Variants in UVRAG observed in about 807,000 individuals in gnomAD.
UVRAG encodes the protein UV radiation resistance associated.
UVRAG carries 19 observed loss-of-function variants against 78.0 expected under a neutral mutation model. The observed-to-expected ratio is 0.24, with a 90% CI of 0.17 to 0.36. The LOEUF (loss-of-function observed/expected upper bound fraction) is 0.36. Among genes scored for constraint, UVRAG ranks in the 10% least tolerant of loss-of-function variants. UVRAG has a pLI of 1.00. For missense variants in UVRAG, 740 were observed against 853.8 expected, an observed-to-expected ratio of 0.87 and a Z score of 1.66; for synonymous variants, 323 against 324.6, an observed-to-expected ratio of 1.00 and a Z score of 0.05.
chr11:76,105,488 C>G (rs1306504052), intron 13 of UVRAG, among the ~76,000 whole-genome samples: 1 of 152,166 alleles, frequency 6.6e-6, no homozygotes, highest in Non-Finnish European at 1.5e-5. Flanking sequence ...TGGCTTACAC[C>G]TGTAATCCCA....
At chr11:75,877,365 C>T (rs1266008927) in intron 3 of UVRAG, among the ~76,000 whole-genome samples, 4 of 152,152 alleles carry the variant, frequency 2.6e-5, no homozygotes, top group African/African-American at 7.2e-5. Flanking sequence ...AGCTGTTGGG[C>T]ACACCTCCCA....
At chr11:75,927,434 A>G (rs1948135096) in intron 6 of UVRAG, among the ~76,000 whole-genome samples, 1 of 152,164 alleles carries the variant, frequency 6.6e-6, no homozygotes, top group Non-Finnish European at 1.5e-5. Flanking sequence ...GAATATAATG[A>G]TAGCTATGTT....
intron 1 of UVRAG, among the ~76,000 whole-genome samples, chr11:75,823,276 A>G (rs1945439500): frequency 6.6e-6 from 1 of 151,962 alleles, no homozygotes; most frequent in Non-Finnish European, 1.5e-5. Context: ...TTCCCTCTAT[A>G]CTGTAGTCTT....
intron 8 of UVRAG, among the ~76,000 whole-genome samples, chr11:76,002,849 G>T (rs1345197547): frequency 1.3e-5 from 2 of 152,158 alleles, no homozygotes. Flanking sequence ...GCCACGGCAG[G>T]CGGATGGCTT....
At chr11:76,097,836 T>C (rs1444164998) in intron 13 of UVRAG, among the ~76,000 whole-genome samples, 1 of 152,144 alleles carries the variant, frequency 6.6e-6, no homozygotes, top group Non-Finnish European at 1.5e-5. Context: ...GTTAAACATA[T>C]ATATGGATGA....
chr11:75,997,959 A>G (rs554721682), intron 8 of UVRAG, among the ~76,000 whole-genome samples: 14 of 152,338 alleles, frequency 9.2e-5, no homozygotes, highest in Admixed American at 5.2e-4. Context: ...GTCCCACGGT[A>G]TAAGTGTTTG....
intron 6 of UVRAG, among the ~76,000 whole-genome samples, chr11:75,952,994 A>T (rs1948731570): frequency 6.6e-6 from 1 of 152,116 alleles, no homozygotes; most frequent in African/African-American, 2.4e-5. Flanking sequence ...TGTGGATTTT[A>T]AACAATTTGA....
At chr11:75,846,746 G>C (rs1314564176) in intron 1 of UVRAG, among the ~76,000 whole-genome samples, 1 of 151,826 alleles carries the variant, frequency 6.6e-6, no homozygotes. Flanking sequence ...GTTCTCGTCT[G>C]TTTGTCTCTT....
Position 75,961,506 on chromosome 11 carries a change from A to G in UVRAG, c.656A>G (p.Glu219Gly), listed in dbSNP as rs75431002. The G allele has an allele frequency of 1.4e-3, 2,284 of 1,607,644 alleles. 6 individuals carry two copies. Among genetic ancestry groups the G allele is most frequent in the African/African-American group, 0.013 (932 of 74,552 alleles). The change falls in exon 7 of 15, where the codon GAA becomes GGA. Residue 219 changes from glutamate to glycine, a missense_variant. Physicochemically the swap from Glu to Gly is moderately conservative, Grantham distance 98. Transcript: ENST00000356136. ...GTAACTGTTCAGAAAATTGGAAAGG[A>G]AATTGAAGAAAAACTAAGACTCACA... ...TQVTVQKIGK[E>G]IEEKLRLTST...
chr11:76,117,611 C>T (rs1408293666), intron 14 of UVRAG, among the ~76,000 whole-genome samples: 8 of 152,160 alleles, frequency 5.3e-5, no homozygotes, highest in Admixed American at 1.3e-4. Context: ...TGAAATAAAA[C>T]GGGCTTGCAA....
At position 75,843,078 on chromosome 11, in the gene UVRAG, A is replaced by G. The variant is rs932774076; in HGVS notation, c.118-8805A>G. Among the ~76,000 whole-genome samples, 9 of 152,296 alleles carry G rather than the reference A, an allele frequency of 5.9e-5. No homozygotes were observed. In the South Asian group the frequency reaches 6.2e-4, roughly 11 times the overall value. On this transcript the variant is annotated intron_variant, in intron 1 of 14. Coordinates refer to ENST00000356136, the MANE Select transcript of UVRAG (RefSeq NM_003369.4). ...TCTCTAATGCTTGATGCAGAACAAGATTAAGGGCACATCAGTTCTCTTTGG... is the reference window on the plus strand; with the variant it reads ...TCTCTAATGCTTGATGCAGAACAAGGTTAAGGGCACATCAGTTCTCTTTGG...
chr11:75,832,662 G>A (rs1247486411), intron 1 of UVRAG, among the ~76,000 whole-genome samples: 1 of 152,182 alleles, frequency 6.6e-6, no homozygotes. Flanking sequence ...GGCTGTTGGT[G>A]ATTAACACAA....
intron 1 of UVRAG, among the ~76,000 whole-genome samples, chr11:75,829,064 T>C (rs1274734150): frequency 6.6e-6 from 1 of 151,886 alleles, no homozygotes; most frequent in Non-Finnish European, 1.5e-5. Flanking sequence ...GCAGAATTTC[T>C]TTTTGGTTTC....
intron 13 of UVRAG, among the ~76,000 whole-genome samples, chr11:76,072,014 G>A (rs1276236085): frequency 6.6e-6 from 1 of 152,100 alleles, no homozygotes; most frequent in South Asian, 2.1e-4. Context: ...TCAGTACAGG[G>A]TATAGAAATT....
chr11:75,850,440 G>A (rs1476332597), intron 1 of UVRAG, among the ~76,000 whole-genome samples: 1 of 152,186 alleles, frequency 6.6e-6, no homozygotes, highest in Non-Finnish European at 1.5e-5. Flanking sequence ...ACTTTAAGCA[G>A]TCATGTGTGA....
intron 11 of UVRAG, among the ~76,000 whole-genome samples, chr11:76,016,210 A>G (rs1950142323): frequency 1.3e-5 from 2 of 152,146 alleles, no homozygotes; most frequent in African/African-American, 4.8e-5. Flanking sequence ...TGGTATATGA[A>G]CAGTGTGGTT....
chr11:76,094,564 C>T (rs1455823951), intron 13 of UVRAG, among the ~76,000 whole-genome samples: 1 of 152,006 alleles, frequency 6.6e-6, no homozygotes, highest in Non-Finnish European at 1.5e-5. Flanking sequence ...TCAGGGATTC[C>T]ATTTCTTCCT....
chr11:75,960,300 T>A (rs1467326288), intron 6 of UVRAG, among the ~76,000 whole-genome samples: 2 of 152,082 alleles, frequency 1.3e-5, no homozygotes, highest in Non-Finnish European at 2.9e-5. Flanking sequence ...ATATAATTGA[T>A]TTTTTTGTGT....
At position 75,974,871 on chromosome 11, in the gene UVRAG, C is replaced by G. The variant is rs567992399; in HGVS notation, c.700-8516C>G. Among the ~76,000 whole-genome samples, 19 of 152,254 alleles carry G rather than the reference C, an allele frequency of 1.2e-4. No individual in the cohort carries two copies. In the South Asian group the frequency reaches 3.9e-3, roughly 32 times the overall value. ...TAGTTTCTTTTGCTGCGTAGAAGCTCTTTAGTTTAATTAGATCCCATTTGT... is the reference window on the plus strand; with the variant it reads ...TAGTTTCTTTTGCTGCGTAGAAGCTGTTTAGTTTAATTAGATCCCATTTGT... On this transcript the variant is annotated intron_variant, in intron 7 of 14. Transcript: ENST00000356136.
Sources: gnomAD v4.1 joint callset for allele counts (sites outside exome capture counted in the v4.1 genomes callset) on GRCh38, gnomAD v4.1.1 for gene constraint, MANE v1.5 for transcripts, NCBI Gene and HGNC (gene_info 2026-07-23, HGNC 2026-07-21) for gene names.